Variants in FYN observed in about 807,000 individuals in gnomAD.
The protein encoded by FYN is tyrosine-protein kinase Fyn.
Under a neutral mutation model 70.2 loss-of-function variants are expected in FYN, and 10 were observed. The ratio of observed to expected loss-of-function variants is 0.14; its 90% CI spans 0.09 to 0.24. The LOEUF is 0.24. Among genes scored for constraint, FYN ranks in the 10% least tolerant of loss-of-function variants. FYN has a pLI of 1.00. For synonymous variants in FYN, 236 were observed against 248.6 expected (o/e 0.95, Z 0.48); for missense variants, 319 against 673.1 (o/e 0.47, Z 5.82).
intron 5 of FYN, chr6:111,708,886 T>G (rs1440888830): frequency 6.6e-6 from 1 of 152,374 alleles, no homozygotes; most frequent in Non-Finnish European, 1.5e-5. Flanking sequence ...TACTCTCATC[T>G]TAAAGCCAGT....
At chr6:111,825,579 C>G (rs911826499) in intron 2 of FYN, among the ~76,000 whole-genome samples, 2 of 152,206 alleles carry the variant, frequency 1.3e-5, no homozygotes, top group African/African-American at 4.8e-5. Flanking sequence ...AGTGCAGACA[C>G]ACATGGTCGT....
chr6:111,829,256 T>G (rs938156882), intron 2 of FYN, among the ~76,000 whole-genome samples: 11 of 152,216 alleles, frequency 7.2e-5, no homozygotes, highest in Non-Finnish European at 1.6e-4. Flanking sequence ...TCCTCAACTG[T>G]GTCACTCATC....
chr6:111,730,674 G>A (rs1046007175), intron 3 of FYN, among the ~76,000 whole-genome samples: 1 of 152,148 alleles, frequency 6.6e-6, no homozygotes, highest in African/African-American at 2.4e-5. Flanking sequence ...ACTGCCCCTA[G>A]AACCTGGGGC....
At chr6:111,742,542 T>C (rs1326610175) in intron 3 of FYN, among the ~76,000 whole-genome samples, 3 of 152,180 alleles carry the variant, frequency 2.0e-5, no homozygotes, top group East Asian at 1.9e-4. Flanking sequence ...TGGCTTATTA[T>C]TGCAAGCCTT....
chr6:111,852,755 T>A (rs1466159773), intron 1 of FYN, among the ~76,000 whole-genome samples: 1 of 152,140 alleles, frequency 6.6e-6, no homozygotes, highest in Non-Finnish European at 1.5e-5. Flanking sequence ...AAGTCCTTAC[T>A]ACAACACACA....
chr6:111,862,526 C>T lies in FYN; in HGVS notation c.-123+10442G>A, dbSNP rs1457940530. Among the ~76,000 whole-genome samples the T allele has an allele frequency of 7.9e-5, 12 of 152,240 alleles. No homozygotes were observed. The East Asian group carries it at 1.9e-3, about 24-fold the overall frequency. ...AGCTGCATGTTCCAGTGCCTTACCC[C>T]GGGCCTGTCTAAATGAACATTGCTG... On this transcript the variant is annotated intron_variant, in intron 1 of 13. Coordinates refer to ENST00000354650, the MANE Select transcript of FYN (RefSeq NM_002037.5).
chr6:111,692,958 G>C (rs1188168170), intron 12 of FYN, among the ~76,000 whole-genome samples: 1 of 152,234 alleles, frequency 6.6e-6, no homozygotes, highest in East Asian at 1.9e-4. Flanking sequence ...AGCACCGGGG[G>C]TGTATGTGTG....
chr6:111,795,654 A>T (rs1383253385), intron 2 of FYN, among the ~76,000 whole-genome samples: 1 of 152,222 alleles, frequency 6.6e-6, no homozygotes, highest in Non-Finnish European at 1.5e-5. Context: ...TAGCAAAATC[A>T]GAAACAGAAG....
chr6:111,698,048 C>G (rs542020340), intron 9 of FYN, among the ~76,000 whole-genome samples: 2 of 152,288 alleles, frequency 1.3e-5, no homozygotes, highest in African/African-American at 4.8e-5. Context: ...TATTTATCCA[C>G]CTAACATACC....
intron 12 of FYN, among the ~76,000 whole-genome samples, chr6:111,690,418 C>T (rs1319443754): frequency 6.6e-6 from 1 of 152,176 alleles, no homozygotes; most frequent in Admixed American, 6.5e-5. Context: ...CAGATCCAAA[C>T]CCAAATGCAT....
chr6:111,799,100 T>C (rs1771904381), intron 2 of FYN, among the ~76,000 whole-genome samples: 1 of 152,200 alleles, frequency 6.6e-6, no homozygotes, highest in Non-Finnish European at 1.5e-5. Flanking sequence ...ATAGTTCAAT[T>C]ATGATGAGCA....
intron 3 of FYN, among the ~76,000 whole-genome samples, chr6:111,764,216 C>CAAAAAAAAAAAA (rs11409465): frequency 3.9e-4 from 23 of 58,348 alleles, no homozygotes; most frequent in African/African-American, 1.3e-3. Flanking sequence ...TTTTGTCAAG[C>CAAAAAAAAAAAA]AAAAAAAAAA....
chr6:111,851,719 G>A (rs932570996), intron 1 of FYN, among the ~76,000 whole-genome samples: 1 of 151,904 alleles, frequency 6.6e-6, no homozygotes, highest in Non-Finnish European at 1.5e-5. Flanking sequence ...GTGTGGCAAG[G>A]GTCACATATT....
intron 5 of FYN, 60 bp from the exon 6 acceptor site, chr6:111,708,080 T>G: frequency 7.9e-7 from 1 of 1,262,998 alleles, no homozygotes; most frequent in Non-Finnish European, 1.2e-6. Context: ...AGTTAGAGAC[T>G]CACTGTGGTC....
chr6:111,790,333 A>G (rs2128513032), intron 2 of FYN, among the ~76,000 whole-genome samples: 1 of 151,896 alleles, frequency 6.6e-6, no homozygotes, highest in South Asian at 2.1e-4. Context: ...ATTAGATAAA[A>G]GTGCAACAGA....
intron 3 of FYN, among the ~76,000 whole-genome samples, chr6:111,750,578 G>A (rs921194668): frequency 6.6e-6 from 1 of 152,120 alleles, no homozygotes; most frequent in Non-Finnish European, 1.5e-5. Flanking sequence ...TGTAATAGAG[G>A]TAACCAAGTA....
At chr6:111,800,774 C>A (rs1771957992) in intron 2 of FYN, among the ~76,000 whole-genome samples, 1 of 152,204 alleles carries the variant, frequency 6.6e-6, no homozygotes, top group Non-Finnish European at 1.5e-5. Flanking sequence ...TTAACCCTCT[C>A]CTGCCCACAT....
intron 3 of FYN, among the ~76,000 whole-genome samples, chr6:111,771,664 AC>A (rs1208971257): frequency 2.0e-5 from 3 of 152,228 alleles, no homozygotes; most frequent in African/African-American, 7.2e-5. Flanking sequence ...GCTGCCTCAG[AC>A]AGCAGTAATG....
intron 9 of FYN, among the ~76,000 whole-genome samples, chr6:111,699,218 T>G (rs1176946210): frequency 6.6e-6 from 1 of 152,158 alleles, no homozygotes; most frequent in Non-Finnish European, 1.5e-5. Flanking sequence ...ACGTCCATGG[T>G]CTTTCTTATG....
Sources: allele counts gnomAD v4.1 joint callset (sites outside exome capture counted in the v4.1 genomes callset), GRCh38; gene constraint gnomAD v4.1.1; transcripts MANE v1.5; gene names NCBI Gene and HGNC (gene_info 2026-07-23, HGNC 2026-07-21).